The following OSCP1 variants were observed in gnomAD, a reference collection of about 807,000 sequenced individuals.
The protein encoded by OSCP1 is organic solute carrier partner 1, also known as protein OSCP1.
OSCP1 carries 35 observed loss-of-function variants against 45.1 expected under a neutral mutation model. The ratio of observed to expected loss-of-function variants is 0.78; its 90% confidence interval spans 0.59 to 1.03. The LOEUF (loss-of-function observed/expected upper bound fraction) is 1.03. OSCP1 is among the 50% of genes least tolerant of loss of function. The pLI is 0.00. For missense variants in OSCP1, 400 were observed against 470.7 expected (o/e 0.85, Z 1.39); for synonymous variants, 179 against 180.1 (o/e 0.99, Z 0.05).
chr1:36,420,615 C>G lies in OSCP1; in HGVS notation c.820G>C (p.Glu274Gln). The G allele has an allele frequency of 1.2e-6, 2 of 1,612,048 alleles. No individual in the cohort carries two copies. The highest frequency in any genetic ancestry group is 1.7e-6 in the Non-Finnish European group (2 of 1,179,416). ...SSKNLASWTQ[E>Q]SIAPNPLAKE... The stretch of plus-strand genomic sequence containing the variant: ...GCAAGAGGGTTTGGAGCAATGCTTT[C>G]CTGCAGAAACAGTTGCATGATTTTT... Residue 274 changes from glutamate (E) to glutamine (Q), a missense_variant and splice_region_variant, in exon 8 of 10, where the codon GAA becomes CAA. Physicochemically the swap from Glu to Gln is conservative, Grantham distance 29. Coordinates refer to ENST00000235532, the MANE Select transcript of OSCP1 (RefSeq NM_145047.5).
chr1:36,424,370 G>T (rs1397467004), intron 4 of OSCP1, among the ~76,000 whole-genome samples: 1 of 152,230 alleles, frequency 6.6e-6, no homozygotes, highest in Non-Finnish European at 1.5e-5. Context: ...GGCAGGGCCA[G>T]GATTCAAAAC....
chr1:36,429,936 G>A (rs1263236995), intron 4 of OSCP1, among the ~76,000 whole-genome samples: 1 of 151,310 alleles, frequency 6.6e-6, no homozygotes, highest in Non-Finnish European at 1.5e-5. Context: ...TTAGTCTCCC[G>A]AGTAGCTGGG....
At chr1:36,429,534 AATTTTTTTTT>A (rs1648210523) in intron 4 of OSCP1, among the ~76,000 whole-genome samples, 1 of 72,322 alleles carries the variant, frequency 1.4e-5, no homozygotes, top group Non-Finnish European at 2.5e-5. Flanking sequence ...AGAAGCTTAG[AATTTTTTTTT>A]TTTTTTTTTT....
chr1:36,431,971 G>A (rs890280361), intron 3 of OSCP1, 89 bp from the exon 4 acceptor site: 7 of 1,193,806 alleles, frequency 5.9e-6, no homozygotes, highest in African/African-American at 4.5e-5. Context: ...TCAGGGATGG[G>A]AGCCAGATAG....
intron 1 of OSCP1, among the ~76,000 whole-genome samples, chr1:36,449,835 CAAAAAAAAAAAAAAAAAA>C (rs67376533): frequency 1.5e-4 from 3 of 20,338 alleles, no homozygotes; most frequent in African/African-American, 4.3e-4. Context: ...GACCCTGTCT[CAAAAAAAAAAAAAAAAAA>C]AAAAAAAAAA....
In OSCP1 at chr1:36,438,805, C is replaced by A. The variant is rs144226900; in HGVS notation, c.218G>T (p.Arg73Leu). The change falls in exon 2 of 10, where the codon CGC becomes CTC. Residue 73 changes from arginine (R) to leucine (L), a missense_variant. Arg to Leu is a moderately radical substitution (Grantham distance 102). Coordinates refer to ENST00000235532, the MANE Select transcript of OSCP1 (RefSeq NM_145047.5). ...SKKALRTVYE[R>L]LAHASIMKLN... ...TTTCATAATGGAGGCATGAGCCAGGCGCTCATAGACAGTCCTCAGGGCCTT... is the reference window on the plus strand; with the variant it reads ...TTTCATAATGGAGGCATGAGCCAGGAGCTCATAGACAGTCCTCAGGGCCTT... 1.2e-6 allele frequency: 2 copies of A among 1,613,796 alleles called. No homozygotes were observed. Among genetic ancestry groups the A allele is most frequent in the African/African-American group, 2.7e-5 (2 of 74,910 alleles).
At chr1:36,429,535 ATTTTTTTTTTT>A (rs200043573) in intron 4 of OSCP1, among the ~76,000 whole-genome samples, 4 of 100,320 alleles carry the variant, frequency 4.0e-5, no homozygotes, top group African/African-American at 1.3e-4. Flanking sequence ...GAAGCTTAGA[ATTTTTTTTTTT>A]TTTTTTTTTT....
Position 36,438,826 on chromosome 1 carries a change from G to C in OSCP1, c.197C>G (p.Ala66Gly). Residue 66 changes from alanine (A) to glycine (G), a missense_variant, in exon 2 of 10, where the codon GCC becomes GGC. By Grantham distance (60) the Ala-to-Gly change is moderately conservative. Transcript: ENST00000235532. ...FKPQELYSKKALRTVYERLAH... is the reference protein window; with the variant it reads ...FKPQELYSKKGLRTVYERLAH... ...CAGGCGCTCATAGACAGTCCTCAGG[G>C]CCTTCTTGGAGTAGAGCTCTTGAGG... is the stretch of plus-strand genomic sequence containing the variant. The C allele has an allele frequency of 5.6e-6, 9 of 1,614,168 alleles. No individual in the cohort carries two copies. Among genetic ancestry groups the C allele is most frequent in the Non-Finnish European group, 7.6e-6 (9 of 1,180,022 alleles).
chr1:36,418,942 A>AAT, intron 9 of OSCP1, 49 bp downstream of exon 9: 2 of 1,432,912 alleles, frequency 1.4e-6, no homozygotes, highest in Non-Finnish European at 9.7e-7. Flanking sequence ...AAAAAAAAAA[A>AAT]GATGAGGAAG....
chr1:36,425,231 G>A (rs1417552812), intron 4 of OSCP1, among the ~76,000 whole-genome samples: 2 of 151,746 alleles, frequency 1.3e-5, no homozygotes, highest in Non-Finnish European at 2.9e-5. Context: ...CAGTGAAAAT[G>A]CAAAGCGATA....
chr1:36,421,879 A>G (rs1202841213), intron 7 of OSCP1: 6 of 506,390 alleles, frequency 1.2e-5, no homozygotes, highest in Non-Finnish European at 2.1e-5. Flanking sequence ...TGGCACTGGT[A>G]CTACGCTACT....
intron 1 of OSCP1, among the ~76,000 whole-genome samples, chr1:36,446,887 G>C (rs1241403385): frequency 6.6e-6 from 1 of 152,062 alleles, no homozygotes; most frequent in Non-Finnish European, 1.5e-5. Flanking sequence ...TATTATTCTC[G>C]CCATTGCTTT....
chr1:36,426,374 G>A (rs760123152), intron 4 of OSCP1, among the ~76,000 whole-genome samples: 2 of 151,980 alleles, frequency 1.3e-5, no homozygotes, highest in African/African-American at 2.4e-5. Flanking sequence ...TTTCCTTTCC[G>A]AGGTGATCTC....
intron 1 of OSCP1, among the ~76,000 whole-genome samples, chr1:36,445,955 T>C (rs58574457): frequency 0.1 from 15,565 of 149,652 alleles, 946 homozygotes; most frequent in East Asian, 0.3. Flanking sequence ...TCAGGTGATC[T>C]GCCCACCTTG....
chr1:36,428,463 A>G, intron 4 of OSCP1: 1 of 1,613,676 alleles, frequency 6.2e-7, no homozygotes, highest in Non-Finnish European at 8.5e-7. Flanking sequence ...ATATGCTTCC[A>G]GAAGCACTCT....
intron 2 of OSCP1, among the ~76,000 whole-genome samples, chr1:36,438,353 G>C (rs1648896129): frequency 6.7e-6 from 1 of 148,848 alleles, no homozygotes; most frequent in Admixed American, 6.7e-5. Context: ...TAGCCAGTGT[G>C]ATGGCATGTG....
At chr1:36,441,686 G>C (rs961834274) in intron 1 of OSCP1, among the ~76,000 whole-genome samples, 1 of 141,034 alleles carries the variant, frequency 7.1e-6, no homozygotes, top group African/African-American at 2.7e-5. Flanking sequence ...GGGAGGCGGA[G>C]CTTGCGGTGA....
intron 8 of OSCP1, chr1:36,419,381 C>T: frequency 2.8e-6 from 1 of 356,898 alleles, no homozygotes; most frequent in Non-Finnish European, 5.1e-6. Flanking sequence ...GCATTCATGA[C>T]ACAGCACTGA....
chr1:36,418,228 G>T lies in OSCP1; in HGVS notation c.1051C>A (p.Arg351=). Residue 351 remains arginine (R), a synonymous_variant, in exon 10 of 10, where the codon CGA becomes AGA. Coordinates refer to ENST00000235532, the MANE Select transcript of OSCP1 (RefSeq NM_145047.5). ...GTGATCTCAAACTCCCCCATGATTC[G>T]AGCCAGCTCCTCGCTCCGTTGCTGG... ...QDQQRSEELA[R]IMGEFEITEQ... 3.1e-6 allele frequency: 5 copies of T among 1,614,172 alleles called. No individual in the cohort carries two copies. Among genetic ancestry groups the T allele is most frequent in the Non-Finnish European group, 4.2e-6 (5 of 1,180,036 alleles).
Sources: allele counts gnomAD v4.1 joint callset (sites outside exome capture counted in the v4.1 genomes callset), GRCh38; gene constraint gnomAD v4.1.1; transcripts MANE v1.5; gene names NCBI Gene and HGNC (gene_info 2026-07-23, HGNC 2026-07-21).